NEDD1: variants seen among roughly 807,000 people sequenced by gnomAD.
NEDD1 encodes the protein protein NEDD1.
In NEDD1, 33 loss-of-function variants were observed where a neutral mutation model predicts 74.0. That is an observed-to-expected ratio of 0.45 (90% confidence interval 0.34 to 0.60). The LOEUF is 0.60. Ranked by LOEUF, NEDD1 falls within the 20% of genes least tolerant of loss-of-function variation. The pLI, the probability that NEDD1 is intolerant of heterozygous loss-of-function variation, is 0.01. For missense variants in NEDD1, 746 were observed against 776.5 expected (o/e 0.96, Z 0.47); for synonymous variants, 250 against 264.4 (o/e 0.95, Z 0.53).
At chr12:96,942,548 T>C in intron 10 of NEDD1, 29 bp from the exon 11 acceptor site, 2 of 1,211,834 alleles carry the variant, frequency 1.7e-6, no homozygotes, top group Non-Finnish European at 2.4e-6. Flanking sequence ...TTCACTAGTT[T>C]TAAAATTTGA....
At chr12:96,937,121 CAG>C (rs1308005538) in intron 8 of NEDD1, 75 bp from the exon 9 acceptor site, 6 of 796,818 alleles carry the variant, frequency 7.5e-6, no homozygotes, top group African/African-American at 1.8e-5. Flanking sequence ...TTTAATCTAA[CAG>C]GGAATTTATA....
chr12:96,935,688 C>T (rs1444114448), intron 7 of NEDD1, among the ~76,000 whole-genome samples: 2 of 151,934 alleles, frequency 1.3e-5, no homozygotes, highest in Non-Finnish European at 2.9e-5. Context: ...GTCAGATGTC[C>T]CCTGGTAGTA....
At chr12:96,937,107 A>C (rs1420384715) in intron 8 of NEDD1, 91 bp from the exon 9 acceptor site, 1 of 735,656 alleles carries the variant, frequency 1.4e-6, no homozygotes, top group African/African-American at 1.9e-5. Context: ...AAAAAAATAT[A>C]TTTTTTAATC....
chr12:96,927,303 A>G (rs148226206), intron 6 of NEDD1, among the ~76,000 whole-genome samples: 125 of 152,354 alleles, frequency 8.2e-4, no homozygotes, highest in African/African-American at 2.9e-3. Flanking sequence ...GTATATATTG[A>G]AATAAGATTT....
chr12:96,915,406 A>G (rs929871454), intron 4 of NEDD1, among the ~76,000 whole-genome samples: 6 of 152,174 alleles, frequency 3.9e-5, no homozygotes, highest in Non-Finnish European at 1.5e-5. Flanking sequence ...TGCACCCTTT[A>G]AAGAATCTCT....
intron 6 of NEDD1, among the ~76,000 whole-genome samples, chr12:96,929,242 C>A (rs1037368806): frequency 6.6e-6 from 1 of 151,322 alleles, no homozygotes; most frequent in Non-Finnish European, 1.5e-5. Context: ...TTTTGAATTC[C>A]TTCTAAATTA....
At chr12:96,916,942 T>A (rs1008125585) in intron 4 of NEDD1, among the ~76,000 whole-genome samples, 2 of 152,156 alleles carry the variant, frequency 1.3e-5, no homozygotes, top group African/African-American at 4.8e-5. Context: ...GTGGGATTCA[T>A]TCTTGGGTTG....
chr12:96,920,641 G>A (rs779796340), intron 6 of NEDD1, among the ~76,000 whole-genome samples: 5 of 152,080 alleles, frequency 3.3e-5, no homozygotes, highest in Admixed American at 6.5e-5. Flanking sequence ...CTTTTTAAAA[G>A]GAAAATAAGT....
At chr12:96,932,821 G>T (rs1416383209) in intron 6 of NEDD1, among the ~76,000 whole-genome samples, 1 of 151,690 alleles carries the variant, frequency 6.6e-6, no homozygotes, top group African/African-American at 2.4e-5. Flanking sequence ...ATTCTGTACA[G>T]AAATGCTATT....
Position 96,940,499 on chromosome 12 carries a change from A to G in NEDD1, c.1208A>G (p.Lys403Arg), listed in dbSNP as rs751393717. The G allele has an allele frequency of 2.0e-5, 32 of 1,606,964 alleles. No individual in the cohort carries two copies. The highest frequency in any genetic ancestry group is 2.6e-5 in the Non-Finnish European group (31 of 1,174,508). Reference sequence around the variant, plus strand: ...TTCTCCAGCTTTGATGATACTGGGAAAAGTAGTTTAGGTGACATGTTCTCA... The same window carrying G: ...TTCTCCAGCTTTGATGATACTGGGAGAAGTAGTTTAGGTGACATGTTCTCA... ...QDFSSFDDTG[K>R]SSLGDMFSPI... Residue 403 changes from lysine to arginine, a missense_variant, in exon 10 of 16, where the codon AAA (lysine) becomes AGA (arginine). By Grantham distance (26) the Lys-to-Arg change is conservative (BLOSUM62 2). Transcript: ENST00000266742.
At chr12:96,925,385 A>AT (rs1327116507) in intron 6 of NEDD1, among the ~76,000 whole-genome samples, 1 of 152,172 alleles carries the variant, frequency 6.6e-6, no homozygotes, top group Non-Finnish European at 1.5e-5. Flanking sequence ...ATTGAATTAC[A>AT]TTGTCTCGTT....
intron 3 of NEDD1, 71 bp from the exon 4 acceptor site, chr12:96,912,652 C>A: frequency 4.0e-6 from 3 of 750,158 alleles, no homozygotes; most frequent in South Asian, 1.6e-5. Flanking sequence ...CTTTTATAAT[C>A]GCAATTCTTA....
intron 5 of NEDD1, among the ~76,000 whole-genome samples, chr12:96,918,347 CTT>C (rs1198673699): frequency 1.3e-5 from 2 of 151,678 alleles, no homozygotes; most frequent in Non-Finnish European, 2.9e-5. Flanking sequence ...ATTATATTGT[CTT>C]TTTAATATTT....
At chr12:96,933,544 T>C (rs967630911) in intron 6 of NEDD1, among the ~76,000 whole-genome samples, 3 of 152,122 alleles carry the variant, frequency 2.0e-5, no homozygotes, top group Non-Finnish European at 4.4e-5. Flanking sequence ...CCAACAAAAA[T>C]AAAAATTATA....
intron 14 of NEDD1, among the ~76,000 whole-genome samples, chr12:96,946,329 G>A (rs1283779607): frequency 3.9e-5 from 6 of 151,946 alleles, no homozygotes; most frequent in South Asian, 2.1e-4. Flanking sequence ...CTCATCCTTC[G>A]AATTGTGAAC....
intron 6 of NEDD1, chr12:96,924,860 T>TGG (rs1240581765): frequency 4.4e-6 from 2 of 453,326 alleles, no homozygotes; most frequent in Non-Finnish European, 8.9e-6. Flanking sequence ...TGAATAGAAG[T>TGG]GATGATAGTG....
At chr12:96,932,517 A>C (rs1178883556) in intron 6 of NEDD1, among the ~76,000 whole-genome samples, 2 of 111,358 alleles carry the variant, frequency 1.8e-5, no homozygotes, top group Non-Finnish European at 3.7e-5. Context: ...AAATATATTT[A>C]TATATATAAA....
rs746103595 is a variant in NEDD1, at chr12:96,917,642, T to C, written c.253T>C (p.Leu85=). ...ATAGCAAAAGCAGACATGTGTCAAT[T>C]TAAATTCTACATCTATGTATTTGGT... is the stretch of plus-strand genomic sequence containing the variant. ...AEGQKQTCVN[L]NSTSMYLVSG... The change falls in exon 5 of 16, where the codon TTA becomes CTA. Residue 85 remains leucine, a synonymous_variant. Transcript: ENST00000266742. 2 of 1,524,842 alleles carry C rather than the reference T, an allele frequency of 1.3e-6. No individual in the cohort carries two copies. The highest frequency in any genetic ancestry group is 8.7e-7 in the Non-Finnish European group (1 of 1,147,032). The allele number at this position is 1,524,842 out of a possible 1,614,324, so 94.5% of individuals were successfully genotyped here.
At chr12:96,944,182 A>G (rs1877958083) in intron 12 of NEDD1, among the ~76,000 whole-genome samples, 1 of 152,072 alleles carries the variant, frequency 6.6e-6, no homozygotes, top group South Asian at 2.1e-4. Flanking sequence ...TAAGGGTTCA[A>G]AATGATCAAA....
Sources: gnomAD v4.1 joint callset for allele counts (sites outside exome capture counted in the v4.1 genomes callset) on GRCh38, gnomAD v4.1.1 for gene constraint, MANE v1.5 for transcripts, NCBI Gene and HGNC (gene_info 2026-07-23, HGNC 2026-07-21) for gene names.